Variants in INSC observed in about 807,000 individuals in gnomAD.
INSC encodes the protein protein inscuteable homolog.
In INSC, 67 loss-of-function variants were observed where a neutral mutation model predicts 58.6. The ratio of observed to expected loss-of-function variants is 1.14; its 90% confidence interval spans 0.94 to 1.40. INSC has a LOEUF of 1.40. INSC is among the 40% of genes most tolerant of loss of function. The pLI is 0.00. For synonymous variants in INSC, 262 were observed against 276.1 expected (o/e 0.95, Z 0.51); for missense variants, 714 against 692.0 (o/e 1.03, Z -0.36).
At chr11:15,187,694 T>C (rs1850021009) in intron 5 of INSC, among the ~76,000 whole-genome samples, 1 of 152,246 alleles carries the variant, frequency 6.6e-6, no homozygotes, top group Admixed American at 6.5e-5. Context: ...CCCTTTTCTT[T>C]GGTCTTTAAG....
At chr11:15,249,730 C>A (rs539369921), downstream of INSC, among the ~76,000 whole-genome samples, 19 of 152,288 alleles carry the variant, frequency 1.2e-4, 1 homozygote, top group South Asian at 3.7e-3. Context: ...AGAAGAGTCT[C>A]CATCTTCTAC....
At chr11:15,171,488 G>C (rs536472185) in intron 2 of INSC, among the ~76,000 whole-genome samples, 5 of 152,194 alleles carry the variant, frequency 3.3e-5, no homozygotes, top group African/African-American at 9.6e-5. Context: ...TCTAGAACAG[G>C]GGACTTACTT....
intron 12 of INSC, among the ~76,000 whole-genome samples, chr11:15,243,124 AC>A (rs772032502): frequency 2.6e-5 from 4 of 152,052 alleles, no homozygotes; most frequent in Non-Finnish European, 5.9e-5. Flanking sequence ...GGACTGACAG[AC>A]TTGCTTCCTC....
At chr11:15,172,621 T>G (rs1365970161) in intron 2 of INSC, among the ~76,000 whole-genome samples, 2 of 152,120 alleles carry the variant, frequency 1.3e-5, no homozygotes. Flanking sequence ...AAGAGTCAGG[T>G]CTTGCAGGGT....
At position 15,175,676 on chromosome 11, in the gene INSC, A is replaced by G; in HGVS notation, c.57-65A>G. On this transcript the variant is annotated intron_variant, in intron 2 of 12. Transcript: ENST00000379556. Reference sequence around the variant, plus strand: ...GTGCTTAGTAAATATCAGATGGCCTAGAATTGAGACCTTTGGAAATCATGG... The same window carrying G: ...GTGCTTAGTAAATATCAGATGGCCTGGAATTGAGACCTTTGGAAATCATGG... 7.7e-6 allele frequency: 10 copies of G among 1,295,488 alleles called. No homozygotes were observed. The South Asian group carries it at 1.3e-4, about 17-fold the overall frequency. 80.2% of individuals were successfully genotyped at this position (1,295,488 alleles called of 1,614,324 possible). A position where few individuals can be genotyped will look rare whatever the true frequency, so the allele number is the denominator to read the frequency against.
intron 2 of INSC, among the ~76,000 whole-genome samples, chr11:15,174,160 C>T (rs1216325958): frequency 2.0e-5 from 3 of 151,968 alleles, no homozygotes; most frequent in Non-Finnish European, 4.4e-5. Flanking sequence ...CATCTCAGGA[C>T]ACTTCTGCCC....
chr11:15,133,593 CCT>C (rs36100113), intron 1 of INSC, among the ~76,000 whole-genome samples: 73,766 of 151,824 alleles, frequency 0.49, 18,837 homozygotes, highest in Non-Finnish European at 0.58. Flanking sequence ...TTTCTGGATC[CCT>C]GTTTGATTCC....
rs1448893789 is a variant in INSC, at chr11:15,239,202, G to C, written c.1393+128G>C. ...GCTGGCATAAGCCCTGTCTCTGGGG[G>C]CTCAGGGGTGGAGGCTCAGGGGTGC... is the stretch of plus-strand genomic sequence containing the variant. On this transcript the variant is annotated intron_variant, in intron 11 of 12. Transcript: ENST00000379556. The C allele has an allele frequency of 6.9e-6, 8 of 1,165,282 alleles. No individual in the cohort carries two copies. In the East Asian group the frequency reaches 2.1e-4, roughly 30 times the overall value. 72.2% of individuals were successfully genotyped at this position (1,165,282 alleles called of 1,614,324 possible).
At chr11:15,120,566 A>G (rs749777435) in intron 1 of INSC, among the ~76,000 whole-genome samples, 1 of 152,220 alleles carries the variant, frequency 6.6e-6, no homozygotes, top group Non-Finnish European at 1.5e-5. Context: ...GTGTTGCCTA[A>G]CGTGGTAAGT....
the INSC span, among the ~76,000 whole-genome samples, chr11:15,266,024 G>A: frequency 6.6e-6 from 1 of 151,794 alleles, no homozygotes; most frequent in Non-Finnish European, 1.5e-5. Flanking sequence ...CATTGAGCCT[G>A]AGACCACATG....
intron 7 of INSC, among the ~76,000 whole-genome samples, chr11:15,202,282 C>A (rs936287982): frequency 6.6e-6 from 1 of 152,076 alleles, no homozygotes; most frequent in Non-Finnish European, 1.5e-5. Context: ...TTGTGCTACT[C>A]ATTAGGTAGC....
Position 15,221,197 on chromosome 11 carries a change from A to T in INSC, c.820-280A>T, listed in dbSNP as rs151076219. ...GCTGTGGTGGATGACCAGGGTCCTG[A>T]CTCTAGACACTTGACTTGATGTCCG... On this transcript the variant is annotated intron_variant, in intron 7 of 12. Coordinates refer to ENST00000379556, the MANE Select transcript of INSC (RefSeq NM_001042536.3). Among the ~76,000 whole-genome samples the T allele has an allele frequency of 2.2e-4, 33 of 151,000 alleles. No individual in the cohort carries two copies. The East Asian group carries it at 2.3e-3, about 11-fold the overall frequency.
At chr11:15,235,470 GA>G in intron 9 of INSC, 131 bp from the exon 10 acceptor site, 1 of 747,866 alleles carries the variant, frequency 1.3e-6, no homozygotes, top group South Asian at 1.4e-5. Flanking sequence ...GCCGTGGAAG[GA>G]TAGGCCCGGT....
chr11:15,230,856 A>T (rs539653605), intron 9 of INSC, among the ~76,000 whole-genome samples: 1 of 152,284 alleles, frequency 6.6e-6, no homozygotes, highest in South Asian at 2.1e-4. Context: ...GGCTTTTATC[A>T]TGTGGTCTCC....
In INSC at chr11:15,238,923, C is replaced by T. The variant is rs769469757; in HGVS notation, c.1242C>T (p.Val414=). The change falls in exon 11 of 13, where the codon GTC becomes GTT. Residue 414 remains valine, a synonymous_variant. Transcript: ENST00000379556. ...CASDIIQENG[V]QLIMGMLSEK... ...TGTTCCTTGCTTCCTGCCTAGGGGT[C>T]CAGCTTATCATGGGCATGCTGTCTG... 2.5e-6 allele frequency: 4 copies of T among 1,613,650 alleles called. No individual in the cohort carries two copies. The highest frequency in any genetic ancestry group is 1.3e-5 in the African/African-American group (1 of 74,918).
chr11:15,216,430 G>A (rs898107155), intron 7 of INSC, among the ~76,000 whole-genome samples: 4 of 151,968 alleles, frequency 2.6e-5, no homozygotes, highest in South Asian at 2.1e-4. Context: ...CTCCATTTTC[G>A]TGTTGCTGTG....
Position 15,240,535 on chromosome 11 carries a change from G to A in INSC, c.1470+12G>A. On this transcript the variant is annotated intron_variant, in intron 12 of 12. Transcript: ENST00000379556. ...TTGTGGCCTGCCTGGTGAGTTCTCA[G>A]TCTTCCCCCAGCTTTTCCCCTGGCC... 2 of 1,610,604 alleles carry A rather than the reference G, an allele frequency of 1.2e-6. No homozygotes were observed. The highest frequency in any genetic ancestry group is 2.2e-5 in the East Asian group (1 of 44,700).
In INSC at chr11:15,181,402, G is replaced by T. The variant is rs180794947; in HGVS notation, c.579+2955G>T. Among the ~76,000 whole-genome samples the T allele has an allele frequency of 3.9e-5, 6 of 152,210 alleles. No homozygotes were observed. In the East Asian group the frequency reaches 9.7e-4, roughly 24 times the overall value. ...AAGTCGTGTGGGCTCTTGAGCAGAG[G>T]AACAAATCTCCCCACCCCCTTCACC... On this transcript the variant is annotated intron_variant, in intron 5 of 12. Coordinates refer to ENST00000379556, the MANE Select transcript of INSC (RefSeq NM_001042536.3).
At chr11:15,139,747 G>T (rs536762148) in intron 1 of INSC, among the ~76,000 whole-genome samples, 1 of 152,334 alleles carries the variant, frequency 6.6e-6, no homozygotes, top group African/African-American at 2.4e-5. Context: ...CTGGGCAGTT[G>T]ACTCCTGAAT....
Sources: allele counts gnomAD v4.1 joint callset (sites outside exome capture counted in the v4.1 genomes callset), GRCh38; gene constraint gnomAD v4.1.1; transcripts MANE v1.5; gene names NCBI Gene and HGNC (gene_info 2026-07-23, HGNC 2026-07-21).